The following CERS6 variants were observed in gnomAD, a reference collection of about 807,000 sequenced individuals.
CERS6 encodes ceramide synthase 6.
Under a neutral mutation model 56.8 loss-of-function variants are expected in CERS6, and 26 were observed. That is an observed-to-expected ratio of 0.46 (90% CI 0.34 to 0.63). The LOEUF (loss-of-function observed/expected upper bound fraction) is 0.63, where lower values mean the gene tolerates loss of function less well. Ranked by LOEUF, CERS6 falls within the 30% of genes least tolerant of loss-of-function variation. CERS6 has a pLI of 0.01. For missense variants in CERS6, 415 were observed against 467.5 expected, an observed-to-expected ratio of 0.89 and a Z score of 1.04; for synonymous variants, 164 against 173.3, an observed-to-expected ratio of 0.95 and a Z score of 0.42.
intron 5 of CERS6, among the ~76,000 whole-genome samples, chr2:168,691,933 T>C (rs1050854748): frequency 6.6e-6 from 1 of 152,118 alleles, no homozygotes; most frequent in African/African-American, 2.4e-5. Flanking sequence ...TCTGTTGAGG[T>C]GTTTGGTCTT....
chr2:168,540,789 T>C (rs1260925229), intron 1 of CERS6, among the ~76,000 whole-genome samples: 1 of 152,218 alleles, frequency 6.6e-6, no homozygotes, highest in Non-Finnish European at 1.5e-5. Context: ...TGAATTACAA[T>C]ATTTTCTTTT....
intron 8 of CERS6, among the ~76,000 whole-genome samples, chr2:168,736,341 T>TA (rs1479718379): frequency 1.3e-5 from 2 of 152,072 alleles, no homozygotes; most frequent in Non-Finnish European, 2.9e-5. Flanking sequence ...GCTTTTTTTT[T>TA]AAAAAGACAG....
chr2:168,645,140 TATAGAGAGAGAGAGAGAGAGAGAG>T (rs1395274324), intron 4 of CERS6, among the ~76,000 whole-genome samples: 6 of 23,646 alleles, frequency 2.5e-4, no homozygotes, highest in African/African-American at 1.2e-3. Flanking sequence ...TATATATATA[TATAGAGAGAGAGAGAGAGAGAGAG>T]AGAGAGAGAG....
chr2:168,499,387 C>G (rs1694538135), intron 1 of CERS6, among the ~76,000 whole-genome samples: 1 of 152,172 alleles, frequency 6.6e-6, no homozygotes, highest in Non-Finnish European at 1.5e-5. Context: ...ATATAGAACA[C>G]AAGCATTTTG....
intron 4 of CERS6, among the ~76,000 whole-genome samples, chr2:168,681,317 G>A (rs947782724): frequency 6.6e-6 from 1 of 152,094 alleles, no homozygotes; most frequent in African/African-American, 2.4e-5. Context: ...TTAATGATTT[G>A]TTTGTAGTTG....
intron 4 of CERS6, among the ~76,000 whole-genome samples, chr2:168,659,419 T>G (rs1167459631): frequency 6.6e-6 from 1 of 152,242 alleles, no homozygotes; most frequent in Non-Finnish European, 1.5e-5. Flanking sequence ...AAATGTTTTA[T>G]GCATAAACAA....
intron 3 of CERS6, among the ~76,000 whole-genome samples, chr2:168,616,667 T>G (rs897666989): frequency 6.6e-6 from 1 of 152,166 alleles, no homozygotes. Flanking sequence ...ATAAAAGGCC[T>G]TGTCCAACAG....
At chr2:168,697,058 G>A (rs986285086) in intron 6 of CERS6, among the ~76,000 whole-genome samples, 7 of 152,168 alleles carry the variant, frequency 4.6e-5, no homozygotes, top group Non-Finnish European at 8.8e-5. Context: ...GCTGAAAAGC[G>A]TTTAGGAGTC....
chr2:168,723,411 C>T (rs115952466), intron 8 of CERS6, among the ~76,000 whole-genome samples: 1,693 of 152,254 alleles, frequency 0.011, 33 homozygotes, highest in African/African-American at 0.038. Context: ...TCAGCCCAGC[C>T]AGTATTCAAA....
At chr2:168,645,136 TATATATAGAGAGAG>T (rs1318250257) in intron 4 of CERS6, among the ~76,000 whole-genome samples, 8 of 35,488 alleles carry the variant, frequency 2.3e-4, no homozygotes, top group South Asian at 1.7e-3. Context: ...TATATATATA[TATATATAGAGAGAG>T]AGAGAGAGAG....
At position 168,658,567 on chromosome 2, in the gene CERS6, C is replaced by T. The variant is rs1198933464; in HGVS notation, c.465+27525C>T. Among the ~76,000 whole-genome samples, 4 of 152,198 alleles carry T rather than the reference C, an allele frequency of 2.6e-5. No individual in the cohort carries two copies. In the East Asian group the frequency reaches 7.7e-4, roughly 29 times the overall value. The stretch of plus-strand genomic sequence containing the variant: ...GACCATAGTCATCCCCAGCGTCAGG[C>T]GTGCTTGATGACCGAGTAAAGCCTC... On this transcript the variant is annotated intron_variant, in intron 4 of 9. Transcript: ENST00000305747.
intron 8 of CERS6, among the ~76,000 whole-genome samples, chr2:168,725,223 G>T (rs1025119376): frequency 6.6e-6 from 1 of 152,264 alleles, no homozygotes; most frequent in Non-Finnish European, 1.5e-5. Context: ...CGCCCACCCG[G>T]AACTCCAGCT....
intron 1 of CERS6, among the ~76,000 whole-genome samples, chr2:168,535,543 A>G (rs1695246080): frequency 6.6e-6 from 1 of 151,936 alleles, no homozygotes; most frequent in Non-Finnish European, 1.5e-5. Context: ...CTGATGAGAG[A>G]ACGTGGATAC....
intron 6 of CERS6, among the ~76,000 whole-genome samples, chr2:168,707,297 A>G (rs143636631): frequency 5.3e-4 from 80 of 152,296 alleles, no homozygotes; most frequent in African/African-American, 1.9e-3. Context: ...TCTATAATCT[A>G]TTGGGAAAAA....
chr2:168,766,833 T>A (rs1458065560), intron 9 of CERS6, among the ~76,000 whole-genome samples: 1 of 152,198 alleles, frequency 6.6e-6, no homozygotes, highest in Non-Finnish European at 1.5e-5. Context: ...GCTGGCCTGT[T>A]CTGCAGGGGA....
intron 9 of CERS6, among the ~76,000 whole-genome samples, chr2:168,767,176 AGAT>A (rs1364346898): frequency 6.6e-6 from 1 of 152,150 alleles, no homozygotes; most frequent in Non-Finnish European, 1.5e-5. Context: ...TTATGAAGAG[AGAT>A]GATGATTAAT....
At chr2:168,463,686 T>G (rs1021408831) in intron 1 of CERS6, among the ~76,000 whole-genome samples, 9 of 152,140 alleles carry the variant, frequency 5.9e-5, no homozygotes, top group African/African-American at 2.2e-4. Flanking sequence ...GGAGGTTGGA[T>G]TGCTTGAGCC....
At chr2:168,464,985 A>G (rs1006190959) in intron 1 of CERS6, among the ~76,000 whole-genome samples, 1 of 152,198 alleles carries the variant, frequency 6.6e-6, no homozygotes, top group Non-Finnish European at 1.5e-5. Flanking sequence ...TCCTCGAAAA[A>G]TTAAAAATAG....
At chr2:168,559,213 C>A (rs4668073) in intron 2 of CERS6, among the ~76,000 whole-genome samples, 140,839 of 150,426 alleles carry the variant, frequency 0.94, 65,979 homozygotes, top group East Asian at 1. Flanking sequence ...AAAAAAAAAA[C>A]CCCAAAAAAC....
Sources: allele counts gnomAD v4.1 joint callset (sites outside exome capture counted in the v4.1 genomes callset), GRCh38; gene constraint gnomAD v4.1.1; transcripts MANE v1.5; gene names NCBI Gene and HGNC (gene_info 2026-07-23, HGNC 2026-07-21).